GRM7: variants seen among roughly 807,000 people sequenced by gnomAD.
GRM7 encodes the protein glutamate metabotropic receptor 7.
In GRM7, 35 loss-of-function variants were observed where a neutral mutation model predicts 84.5. The ratio of observed to expected loss-of-function variants is 0.41; its 90% CI spans 0.32 to 0.55. GRM7 has a LOEUF of 0.55. Ranked by LOEUF, GRM7 falls within the 20% of genes least tolerant of loss-of-function variation. GRM7 has a pLI of 0.19. For synonymous variants in GRM7, 487 were observed against 455.1 expected (o/e 1.07, Z -0.89); for missense variants, 1,003 against 1,194.6 (o/e 0.84, Z 2.36).
chr3:7,370,723 A>G (rs1384596575), intron 4 of GRM7, among the ~76,000 whole-genome samples: 3 of 152,152 alleles, frequency 2.0e-5, no homozygotes, highest in Non-Finnish European at 4.4e-5. Flanking sequence ...CCCTGCCTTC[A>G]GACCTCACCC....
At chr3:7,021,175 C>T (rs1432991399) in intron 1 of GRM7, among the ~76,000 whole-genome samples, 1 of 152,074 alleles carries the variant, frequency 6.6e-6, no homozygotes, top group Non-Finnish European at 1.5e-5. Flanking sequence ...CCTTTATTTC[C>T]TTTGTATGTT....
intron 2 of GRM7, among the ~76,000 whole-genome samples, chr3:7,234,417 G>A (rs1697286400): frequency 6.6e-6 from 1 of 151,964 alleles, no homozygotes; most frequent in Admixed American, 6.6e-5. Flanking sequence ...CCCTCTCCTG[G>A]GCCTCTGATT....
chr3:7,020,815 A>G (rs777352268), intron 1 of GRM7, among the ~76,000 whole-genome samples: 3 of 152,122 alleles, frequency 2.0e-5, no homozygotes, highest in Non-Finnish European at 4.4e-5. Flanking sequence ...TGGGCAATTC[A>G]TTGTAAAATA....
intron 9 of GRM7, among the ~76,000 whole-genome samples, chr3:7,734,541 C>A (rs1009213058): frequency 6.6e-6 from 1 of 152,064 alleles, no homozygotes; most frequent in Non-Finnish European, 1.5e-5. Context: ...AACAGAAATC[C>A]AGATTTGGGA....
intron 2 of GRM7, among the ~76,000 whole-genome samples, chr3:7,282,672 G>A (rs561723969): frequency 1.3e-5 from 2 of 152,194 alleles, no homozygotes; most frequent in Non-Finnish European, 2.9e-5. Context: ...AATAGGATCT[G>A]TGACTTAACA....
intron 1 of GRM7, among the ~76,000 whole-genome samples, chr3:7,088,322 GAACTCA>G (rs1698534027): frequency 6.6e-6 from 1 of 152,092 alleles, no homozygotes; most frequent in South Asian, 2.1e-4. Context: ...AAGGGGCAAT[GAACTCA>G]AATATGCCTT....
chr3:7,579,821 T>C (rs1695163261), intron 8 of GRM7, among the ~76,000 whole-genome samples: 1 of 152,176 alleles, frequency 6.6e-6, no homozygotes, highest in Admixed American at 6.5e-5. Context: ...TGCTGTCCAT[T>C]GCACTTAGTA....
chr3:7,530,281 T>A (rs1381998709), intron 7 of GRM7, among the ~76,000 whole-genome samples: 1 of 152,182 alleles, frequency 6.6e-6, no homozygotes, highest in African/African-American at 2.4e-5. Context: ...CTTATCCTTT[T>A]TATGGCTGCA....
intron 2 of GRM7, among the ~76,000 whole-genome samples, chr3:7,274,168 A>C (rs947975850): frequency 1.3e-5 from 2 of 152,042 alleles, no homozygotes; most frequent in African/African-American, 4.8e-5. Context: ...GTATCAAAAT[A>C]ATTCTAATTC....
intron 1 of GRM7, among the ~76,000 whole-genome samples, chr3:6,903,099 A>T (rs567367731): frequency 6.6e-6 from 1 of 152,186 alleles, no homozygotes; most frequent in East Asian, 1.9e-4. Flanking sequence ...CACATTGTGC[A>T]TCTTTATTTT....
At chr3:7,237,031 G>T (rs1198523206) in intron 2 of GRM7, among the ~76,000 whole-genome samples, 2 of 152,070 alleles carry the variant, frequency 1.3e-5, no homozygotes, top group African/African-American at 4.8e-5. Flanking sequence ...TATACAGCCC[G>T]GTCATCAGTG....
intron 2 of GRM7, among the ~76,000 whole-genome samples, chr3:7,167,071 T>G (rs1180753492): frequency 1.3e-5 from 2 of 152,218 alleles, no homozygotes; most frequent in Admixed American, 6.5e-5. Flanking sequence ...CATGGCTTTT[T>G]GTATTTTAAT....
At chr3:7,508,337 C>G (rs1322047049) in intron 7 of GRM7, among the ~76,000 whole-genome samples, 1 of 152,046 alleles carries the variant, frequency 6.6e-6, no homozygotes, top group Non-Finnish European at 1.5e-5. Flanking sequence ...GAGAAGGCAC[C>G]AATCTGTGCC....
At chr3:7,633,862 T>C (rs1697959399) in intron 8 of GRM7, among the ~76,000 whole-genome samples, 2 of 152,218 alleles carry the variant, frequency 1.3e-5, no homozygotes, top group South Asian at 4.1e-4. Context: ...TTAACTTAAT[T>C]ACATCCCAAC....
chr3:7,370,693 T>C (rs904684411), intron 4 of GRM7, among the ~76,000 whole-genome samples: 1 of 152,062 alleles, frequency 6.6e-6, no homozygotes, highest in African/African-American at 2.4e-5. Flanking sequence ...AAAATATGAC[T>C]AGAAACGACT....
rs561897476 is a variant in GRM7, at chr3:7,461,266, C to A, written c.1376-317C>A. 4.8e-4 allele frequency among the ~76,000 whole-genome samples: 73 copies of A among 152,190 alleles called. No homozygotes were observed. In the Middle Eastern group the frequency reaches 0.017, roughly 35 times the overall value. On this transcript the variant is annotated intron_variant, in intron 6 of 9. Transcript: ENST00000357716. The stretch of plus-strand genomic sequence containing the variant: ...ATCAGGAGCATAATAAAACTTAAGG[C>A]TGTCTCTTAAAATTAATGCATATAG...
chr3:7,121,090 A>G (rs552022409), intron 1 of GRM7, among the ~76,000 whole-genome samples: 24 of 152,280 alleles, frequency 1.6e-4, no homozygotes, highest in Admixed American at 1.4e-3. Flanking sequence ...ATAGATTTCA[A>G]TAATTGTTTG....
chr3:7,677,326 G>C (rs1460960215), intron 8 of GRM7, among the ~76,000 whole-genome samples: 1 of 147,790 alleles, frequency 6.8e-6, no homozygotes, highest in Non-Finnish European at 1.5e-5. Context: ...CTATGTGCTA[G>C]GCCCTACACT....
chr3:6,936,332 G>A (rs879819771), intron 1 of GRM7, among the ~76,000 whole-genome samples: 1 of 152,188 alleles, frequency 6.6e-6, no homozygotes, highest in Non-Finnish European at 1.5e-5. Flanking sequence ...TGGAAGCCTA[G>A]AGGGTGGTTT....
Sources: allele counts gnomAD v4.1 joint callset (sites outside exome capture counted in the v4.1 genomes callset), GRCh38; gene constraint gnomAD v4.1.1; transcripts MANE v1.5; gene names NCBI Gene and HGNC (gene_info 2026-07-23, HGNC 2026-07-21).